TTLL9: variants seen among roughly 807,000 people sequenced by gnomAD.
TTLL9 encodes the protein probable tubulin polyglutamylase TTLL9.
Under a neutral mutation model 65.6 loss-of-function variants are expected in TTLL9, and 47 were observed. The ratio of observed to expected loss-of-function variants is 0.72; its 90% CI spans 0.57 to 0.91. The LOEUF is 0.91. TTLL9 is among the 40% of genes least tolerant of loss of function. The pLI is 0.00. For synonymous variants in TTLL9, 179 were observed against 204.8 expected (o/e 0.87, Z 1.07); for missense variants, 537 against 568.8 (o/e 0.94, Z 0.57).
intron 2 of TTLL9, among the ~76,000 whole-genome samples, chr20:31,872,514 A>C (rs79094354): frequency 9.4e-6 from 1 of 106,706 alleles, no homozygotes; most frequent in Non-Finnish European, 1.8e-5. Context: ...CTGCTTTTAC[A>C]AAAAAAAAAA....
At chr20:31,925,154 G>T in intron 9 of TTLL9, 105 bp downstream of exon 9, 1 of 1,221,596 alleles carries the variant, frequency 8.2e-7, no homozygotes, top group South Asian at 1.2e-5. Context: ...AGCTTGTCTG[G>T]TTTTATCTCT....
chr20:31,883,631 C>T (rs1046871797), intron 2 of TTLL9, among the ~76,000 whole-genome samples: 2 of 151,726 alleles, frequency 1.3e-5, no homozygotes, highest in Non-Finnish European at 2.9e-5. Context: ...TCTTTGACTC[C>T]TATAATGGTC....
Position 31,934,903 on chromosome 20 carries a change from G to A in TTLL9, c.1004+15G>A, listed in dbSNP as rs746788327. 3.1e-6 allele frequency: 5 copies of A among 1,603,294 alleles called. No individual in the cohort carries two copies. The South Asian group carries it at 5.6e-5, about 18-fold the overall frequency. ...GACCTCAAGCCGTAAGTGGGTGGGT[G>A]GGAGAGCCAGGAGGTCATAGTTTGC... On this transcript the variant is annotated intron_variant, in intron 12 of 14. Transcript: ENST00000535842.
chr20:31,893,496 G>A (rs1363898541), intron 3 of TTLL9, among the ~76,000 whole-genome samples: 1 of 151,944 alleles, frequency 6.6e-6, no homozygotes, highest in Non-Finnish European at 1.5e-5. Flanking sequence ...TCTCCATGTT[G>A]GTTAGGCTGG....
intron 6 of TTLL9, among the ~76,000 whole-genome samples, chr20:31,913,470 G>C (rs2063686861): frequency 6.6e-6 from 1 of 152,178 alleles, no homozygotes; most frequent in African/African-American, 2.4e-5. Context: ...TTCCCACAAG[G>C]CCTGTCTTTG....
At chr20:31,926,801 C>T (rs573990586) in intron 10 of TTLL9, among the ~76,000 whole-genome samples, 5 of 152,202 alleles carry the variant, frequency 3.3e-5, no homozygotes, top group Non-Finnish European at 7.4e-5. Flanking sequence ...AGTATGTTCT[C>T]GTTCATGTTA....
intron 2 of TTLL9, among the ~76,000 whole-genome samples, chr20:31,874,900 A>G (rs1046529852): frequency 6.6e-6 from 1 of 152,150 alleles, no homozygotes; most frequent in African/African-American, 2.4e-5. Context: ...AAGGGATGCA[A>G]GTGGAAAAGG....
chr20:31,934,659 G>C (rs781316478), intron 11 of TTLL9, 33 bp from the exon 12 acceptor site: 1 of 1,579,216 alleles, frequency 6.3e-7, no homozygotes, highest in South Asian at 1.2e-5. Flanking sequence ...ACTAACTGAG[G>C]CTCCTCTCTC....
intron 2 of TTLL9, among the ~76,000 whole-genome samples, chr20:31,873,387 G>A (rs1020293878): frequency 6.6e-6 from 1 of 152,156 alleles, no homozygotes; most frequent in Non-Finnish European, 1.5e-5. Context: ...GGTGGCTCAT[G>A]CCTGTAATCC....
At position 31,909,801 on chromosome 20, in the gene TTLL9, C is replaced by T. The variant is rs1568790807; in HGVS notation, c.383C>T (p.Ala128Val). 1 of 1,614,172 alleles carries T rather than the reference C, an allele frequency of 6.2e-7. No individual in the cohort carries two copies. Among genetic ancestry groups the T allele is most frequent in the Non-Finnish European group, 8.5e-7 (1 of 1,180,036 alleles). The change falls in exon 6 of 15, where the codon GCA becomes GTA. Residue 128 changes from alanine (A) to valine (V), a missense_variant. Physicochemically the swap from Ala to Val is moderately conservative, Grantham distance 64 (BLOSUM62 0). This residue lies in a region of TTLL9 where 320 missense variants were observed against 311.0 expected (regional missense o/e 1.03). Transcript: ENST00000535842. ...KRFRKQLERE[A>V]GKLEAAKCDF... ...TTCCGGAAGCAGCTGGAGCGTGAGGCAGGAAAGCTGGAGGCAGCCAAGTGT... is the reference window on the plus strand; with the variant it reads ...TTCCGGAAGCAGCTGGAGCGTGAGGTAGGAAAGCTGGAGGCAGCCAAGTGT...
intron 13 of TTLL9, 32 bp downstream of exon 13, chr20:31,937,541 T>G (rs912999943): frequency 3.2e-6 from 5 of 1,556,864 alleles, no homozygotes; most frequent in Non-Finnish European, 4.4e-6. Context: ...CACATGTCCT[T>G]GTACATGACA....
At chr20:31,937,269 A>G in intron 12 of TTLL9, 127 bp from the exon 13 acceptor site, 3 of 600,714 alleles carry the variant, frequency 5.0e-6, no homozygotes, top group South Asian at 2.2e-5. Context: ...AAAAAATAGA[A>G]AGGTAGAGAG....
chr20:31,939,492 G>A lies in TTLL9; in HGVS notation c.1243+226G>A, dbSNP rs2064171540. 3 of 394,326 alleles carry A rather than the reference G, an allele frequency of 7.6e-6. No homozygotes were observed. The East Asian group carries it at 1.2e-4, about 16-fold the overall frequency. The allele number at this position is 394,326 out of a possible 1,614,324, so 24.4% of individuals were successfully genotyped here. A position where few individuals can be genotyped will look rare whatever the true frequency, so the allele number is the denominator to read the frequency against. ...TATAAAAAAGGGATTCACACTCATT[G>A]TAGAATATTTGAAAACTAGAGAAAG... On this transcript the variant is annotated intron_variant, in intron 14 of 14. Transcript: ENST00000535842.
At chr20:31,926,188 A>G in intron 10 of TTLL9, 97 bp downstream of exon 10, 1 of 786,260 alleles carries the variant, frequency 1.3e-6, no homozygotes, top group East Asian at 2.6e-5. Context: ...AGCTCACTGC[A>G]AGCTGCTCTG....
chr20:31,905,069 A>G (rs1437171114), intron 4 of TTLL9, among the ~76,000 whole-genome samples: 1 of 151,942 alleles, frequency 6.6e-6, no homozygotes, highest in African/African-American at 2.4e-5. Context: ...TATAGAGCAC[A>G]TGGCCATTTC....
intron 13 of TTLL9, 25 bp from the exon 14 acceptor site, chr20:31,939,117 C>G (rs1309878528): frequency 6.4e-7 from 1 of 1,552,734 alleles, no homozygotes; most frequent in South Asian, 1.2e-5. Context: ...CCTTCATTAA[C>G]CCTGTGGGCC....
chr20:31,883,301 G>C lies in TTLL9; in HGVS notation c.70-3895G>C, dbSNP rs549260608. On this transcript the variant is annotated intron_variant, in intron 2 of 14. Coordinates refer to ENST00000535842, the MANE Select transcript of TTLL9 (RefSeq NM_001008409.5). Reference sequence around the variant, plus strand: ...CAAGCTCCACCTCCTGGGTTCAAGCGATTCTTTTGCCTCAGCCTCCCAAGT... The same window carrying C: ...CAAGCTCCACCTCCTGGGTTCAAGCCATTCTTTTGCCTCAGCCTCCCAAGT... Among the ~76,000 whole-genome samples, 26 of 151,680 alleles carry C rather than the reference G, an allele frequency of 1.7e-4. No individual in the cohort carries two copies. The East Asian group carries it at 1.7e-3, about 10-fold the overall frequency.
chr20:31,895,819 AT>A (rs2063377497), intron 3 of TTLL9, among the ~76,000 whole-genome samples: 2 of 40,404 alleles, frequency 4.9e-5, no homozygotes, highest in African/African-American at 3.4e-4. Context: ...TCATGTATTT[AT>A]TTATTTATTT....
intron 6 of TTLL9, among the ~76,000 whole-genome samples, chr20:31,915,779 G>A (rs1191075440): frequency 6.6e-6 from 1 of 151,826 alleles, no homozygotes; most frequent in African/African-American, 2.4e-5. Flanking sequence ...CTTTAATGAG[G>A]TAACGTGTAT....
Sources: allele counts gnomAD v4.1 joint callset (sites outside exome capture counted in the v4.1 genomes callset), GRCh38; gene constraint gnomAD v4.1.1; regional missense constraint gnomAD v4.1.1; transcripts MANE v1.5; gene names NCBI Gene and HGNC (gene_info 2026-07-23, HGNC 2026-07-21).